PRELID2: variants seen among roughly 807,000 people sequenced by gnomAD.
PRELID2 encodes the protein PRELI domain-containing protein 2.
A neutral mutation model predicts 28.4 loss-of-function variants in PRELID2; 25 were observed. That is an observed-to-expected ratio of 0.88 (90% confidence interval 0.64 to 1.23). The LOEUF is 1.23. Ranked by LOEUF, PRELID2 falls within the 50% of genes most tolerant of loss-of-function variation. The pLI is 0.00. For missense variants in PRELID2, 201 were observed against 214.4 expected (o/e 0.94, Z 0.39); for synonymous variants, 76 against 71.6 (o/e 1.06, Z -0.31).
the PRELID2 span, among the ~76,000 whole-genome samples, chr5:145,410,814 C>G: frequency 1.3e-5 from 2 of 152,234 alleles, no homozygotes; most frequent in Admixed American, 1.3e-4. Context: ...TTAAAAAACA[C>G]AGTCATACCT....
chr5:145,275,517 G>A, the PRELID2 span, among the ~76,000 whole-genome samples: 54 of 152,156 alleles, frequency 3.5e-4, no homozygotes, highest in African/African-American at 1.2e-3. Flanking sequence ...GGGGGCAAGC[G>A]GGAGAGATTG....
chr5:145,361,110 T>C, the PRELID2 span, among the ~76,000 whole-genome samples: 4 of 152,262 alleles, frequency 2.6e-5, no homozygotes, highest in East Asian at 7.7e-4. Context: ...CATCTGGAAA[T>C]TTTTTTCTAT....
At chr5:145,360,710 C>T in the PRELID2 span, among the ~76,000 whole-genome samples, 7 of 152,132 alleles carry the variant, frequency 4.6e-5, no homozygotes, top group Admixed American at 4.6e-4. Flanking sequence ...GACTTGGATT[C>T]CAGGAAGTCA....
At chr5:145,339,935 T>A in the PRELID2 span, among the ~76,000 whole-genome samples, 1 of 152,152 alleles carries the variant, frequency 6.6e-6, no homozygotes, top group African/African-American at 2.4e-5. Flanking sequence ...CAAATCTTAT[T>A]GCTGCTGCTG....
chr5:145,256,170 T>G, the PRELID2 span, among the ~76,000 whole-genome samples: 1 of 151,928 alleles, frequency 6.6e-6, no homozygotes, highest in African/African-American at 2.4e-5. Flanking sequence ...CGTATCAGCT[T>G]CTAGATAATG....
intron 1 of PRELID2, among the ~76,000 whole-genome samples, chr5:145,639,576 T>G (rs1187690538): frequency 6.6e-6 from 1 of 152,218 alleles, no homozygotes; most frequent in African/African-American, 2.4e-5. Flanking sequence ...ACAAACATAG[T>G]ACCTCAATGT....
At chr5:145,425,823 C>T in the PRELID2 span, among the ~76,000 whole-genome samples, 1 of 151,860 alleles carries the variant, frequency 6.6e-6, no homozygotes, top group African/African-American at 2.4e-5. Flanking sequence ...ACATCCTGCA[C>T]ATATATGCCT....
At chr5:145,690,773 C>T (rs187260361) in intron 1 of PRELID2, among the ~76,000 whole-genome samples, 122 of 152,296 alleles carry the variant, frequency 8.0e-4, no homozygotes, top group Admixed American at 4.1e-3. Context: ...GTTTCTTGCA[C>T]TTGTCTCTCT....
the PRELID2 span, among the ~76,000 whole-genome samples, chr5:145,304,986 A>G: frequency 7.9e-5 from 12 of 152,182 alleles, no homozygotes; most frequent in Admixed American, 7.9e-4. Flanking sequence ...TCCATCTCCT[A>G]TTGTGGATAT....
At chr5:145,345,089 C>A in the PRELID2 span, among the ~76,000 whole-genome samples, 1 of 152,116 alleles carries the variant, frequency 6.6e-6, no homozygotes, top group Non-Finnish European at 1.5e-5. Flanking sequence ...CAAATTTAAA[C>A]AAATACTCAC....
intron 2 of PRELID2, among the ~76,000 whole-genome samples, chr5:145,820,455 T>G (rs972425154): frequency 6.6e-6 from 1 of 152,070 alleles, no homozygotes; most frequent in Non-Finnish European, 1.5e-5. Flanking sequence ...AGTACTCCAA[T>G]GACGATGACC....
rs571563441 is a variant in PRELID2, at chr5:145,713,459, T to TTA, written n.70+51470_70+51471dup. Among the ~76,000 whole-genome samples the TTA allele has an allele frequency of 9.5e-4, 137 of 144,162 alleles. No homozygotes were observed. The East Asian group carries it at 0.025, about 26-fold the overall frequency. 94.6% of individuals were successfully genotyped at this position (144,162 alleles called of 152,430 possible). A position where few individuals can be genotyped will look rare whatever the true frequency, so the allele number is the denominator to read the frequency against. ...ATATATATACATATATATGTATACT[T>TTA]TATATATATATACACACACTATATA... On this transcript the variant is annotated intron_variant and non_coding_transcript_variant, in intron 1 of 2. Coordinates refer to the PRELID2 transcript ENST00000510259.
downstream of PRELID2, among the ~76,000 whole-genome samples, chr5:145,756,288 C>T (rs1757253408): frequency 1.3e-5 from 2 of 152,192 alleles, no homozygotes; most frequent in South Asian, 4.1e-4. Context: ...AAATGATAAC[C>T]ACAAGCTTGG....
At chr5:145,353,297 C>A in the PRELID2 span, among the ~76,000 whole-genome samples, 1 of 151,888 alleles carries the variant, frequency 6.6e-6, no homozygotes, top group African/African-American at 2.4e-5. Flanking sequence ...ACTAAAAACA[C>A]ACACACACAC....
chr5:145,476,191 G>A (rs1438664886), intron 1 of PRELID2, among the ~76,000 whole-genome samples: 2 of 152,136 alleles, frequency 1.3e-5, no homozygotes, highest in African/African-American at 4.8e-5. Flanking sequence ...TGATGCACTG[G>A]GGGTAAGGTC....
chr5:145,730,620 G>A (rs570560928), intron 1 of PRELID2, among the ~76,000 whole-genome samples: 15 of 152,090 alleles, frequency 9.9e-5, no homozygotes, highest in Admixed American at 2.0e-4. Context: ...ATATCACATC[G>A]CAACTTTGTT....
At chr5:145,543,674 G>T (rs11950106) in intron 1 of PRELID2, among the ~76,000 whole-genome samples, 28,136 of 151,972 alleles carry the variant, frequency 0.19, 3,473 homozygotes, top group African/African-American at 0.36. Flanking sequence ...GCATTTGTGG[G>T]AAATATGGAG....
chr5:145,694,847 G>C (rs943729917), intron 1 of PRELID2, among the ~76,000 whole-genome samples: 3 of 151,010 alleles, frequency 2.0e-5, no homozygotes, highest in Non-Finnish European at 4.4e-5. Flanking sequence ...GAGGGACAAA[G>C]GGGAACAGAG....
the PRELID2 span, chr5:145,429,781 A>G: frequency 3.7e-4 from 56 of 152,342 alleles, no homozygotes; most frequent in Middle Eastern, 3.4e-3. Flanking sequence ...GCTTTGACCA[A>G]TAGAATGTAG....
Sources: allele counts gnomAD v4.1 joint callset (sites outside exome capture counted in the v4.1 genomes callset), GRCh38; gene constraint gnomAD v4.1.1; transcripts MANE v1.5; gene names NCBI Gene and HGNC (gene_info 2026-07-23, HGNC 2026-07-21).